QTMAN: variants seen among roughly 807,000 people sequenced by gnomAD.
QTMAN encodes the protein queuosine-tRNA mannosyltransferase.
At chr2:144,110,134 A>G in the QTMAN span, among the ~76,000 whole-genome samples, 1 of 152,234 alleles carries the variant, frequency 6.6e-6, no homozygotes, top group Non-Finnish European at 1.5e-5. Flanking sequence ...AAGACTTGGA[A>G]CCAACCCAGA....
At chr2:144,326,733 C>A in the QTMAN span, among the ~76,000 whole-genome samples, 1 of 152,120 alleles carries the variant, frequency 6.6e-6, no homozygotes, top group Admixed American at 6.5e-5. Context: ...AAATTTATAT[C>A]TAATCTATAT....
At chr2:144,068,692 G>A in the QTMAN span, among the ~76,000 whole-genome samples, 1 of 152,128 alleles carries the variant, frequency 6.6e-6, no homozygotes, top group Non-Finnish European at 1.5e-5. Context: ...GGGTTAGTAT[G>A]GGGTACAAAT....
the QTMAN span, chr2:143,947,266 T>A: frequency 1.5e-6 from 1 of 667,748 alleles, no homozygotes; most frequent in Non-Finnish European, 2.6e-6. Context: ...AGCCACCAAG[T>A]AAATGGTTCT....
the QTMAN span, among the ~76,000 whole-genome samples, chr2:144,278,985 T>C: frequency 6.6e-6 from 1 of 152,150 alleles, no homozygotes; most frequent in African/African-American, 2.4e-5. Flanking sequence ...GCTTTCATTT[T>C]ACAATAGAAG....
the QTMAN span, among the ~76,000 whole-genome samples, chr2:144,094,097 T>A: frequency 1.3e-5 from 2 of 152,214 alleles, no homozygotes; most frequent in African/African-American, 4.8e-5. Context: ...ATCGGGACTG[T>A]ACAATGGTAA....
chr2:144,051,703 G>A, the QTMAN span, among the ~76,000 whole-genome samples: 2 of 152,180 alleles, frequency 1.3e-5, no homozygotes, highest in Admixed American at 6.5e-5. Flanking sequence ...AATTGAGAGA[G>A]AAAATGCTTC....
the QTMAN span, among the ~76,000 whole-genome samples, chr2:144,287,813 T>C: frequency 1.3e-5 from 2 of 152,208 alleles, no homozygotes; most frequent in Admixed American, 6.5e-5. Flanking sequence ...TCATTTATTA[T>C]ACAGTTAATT....
At chr2:144,309,743 T>C in the QTMAN span, among the ~76,000 whole-genome samples, 2 of 152,220 alleles carry the variant, frequency 1.3e-5, no homozygotes, top group Non-Finnish European at 2.9e-5. Flanking sequence ...CACATTTTAC[T>C]ATATGCAAAT....
the QTMAN span, among the ~76,000 whole-genome samples, chr2:143,993,239 C>A: frequency 5.3e-5 from 8 of 152,088 alleles, no homozygotes; most frequent in Non-Finnish European, 1.5e-5. Flanking sequence ...TGATTCACTT[C>A]CTGATGGTAG....
the QTMAN span, among the ~76,000 whole-genome samples, chr2:144,136,444 GGAAAGGA>G: frequency 6.9e-6 from 1 of 145,652 alleles, no homozygotes; most frequent in South Asian, 2.2e-4. Flanking sequence ...GGAAAAGAAA[GGAAAGGA>G]GAAAGGAGGA....
At chr2:144,100,859 C>CTTTTTTTTTTTTTTTTTTT in the QTMAN span, among the ~76,000 whole-genome samples, 3 of 77,920 alleles carry the variant, frequency 3.9e-5, no homozygotes, top group African/African-American at 1.1e-4. Context: ...GTCTTTCTTT[C>CTTTTTTTTTTTTTTTTTTT]TTTTTTTTTT....
chr2:144,187,412 C>T, the QTMAN span, among the ~76,000 whole-genome samples: 7 of 152,100 alleles, frequency 4.6e-5, no homozygotes, highest in Non-Finnish European at 8.8e-5. Context: ...CTTGCGAGAG[C>T]CAGAACTCAC....
At chr2:144,114,069 T>C in the QTMAN span, among the ~76,000 whole-genome samples, 3 of 152,174 alleles carry the variant, frequency 2.0e-5, no homozygotes, top group African/African-American at 7.2e-5. Context: ...TGAGCTGTGA[T>C]ACAGAGAAAG....
the QTMAN span, among the ~76,000 whole-genome samples, chr2:144,287,238 C>T: frequency 6.6e-6 from 1 of 151,968 alleles, no homozygotes; most frequent in African/African-American, 2.4e-5. Flanking sequence ...AGATCAAGAC[C>T]ATCCTGGCTA....
the QTMAN span, among the ~76,000 whole-genome samples, chr2:144,000,875 T>C: frequency 6.6e-6 from 1 of 151,994 alleles, no homozygotes; most frequent in East Asian, 1.9e-4. Flanking sequence ...AGAACATTAG[T>C]GTCCAAAAAT....
the QTMAN span, among the ~76,000 whole-genome samples, chr2:144,195,388 T>C: frequency 1.3e-5 from 2 of 152,148 alleles, no homozygotes; most frequent in Non-Finnish European, 2.9e-5. Flanking sequence ...TTAATACTCA[T>C]TAATAGATGT....
chr2:144,082,498 A>G, the QTMAN span, among the ~76,000 whole-genome samples: 1 of 152,206 alleles, frequency 6.6e-6, no homozygotes, highest in Non-Finnish European at 1.5e-5. Context: ...TAAGATTTCT[A>G]ACCACACTGA....
At chr2:144,034,082 G>C in the QTMAN span, among the ~76,000 whole-genome samples, 1 of 152,136 alleles carries the variant, frequency 6.6e-6, no homozygotes. Context: ...CTCTGTTCGA[G>C]GAGAACCAAC....
the QTMAN span, among the ~76,000 whole-genome samples, chr2:144,268,112 G>T: frequency 3.3e-5 from 5 of 152,076 alleles, no homozygotes; most frequent in South Asian, 1.0e-3. Context: ...ATGGCTTGGG[G>T]GTGGCCATTC....
Sources: gnomAD v4.1 joint callset for allele counts (sites outside exome capture counted in the v4.1 genomes callset) on GRCh38, gnomAD v4.1.1 for gene constraint, MANE v1.5 for transcripts, NCBI Gene and HGNC (gene_info 2026-07-23, HGNC 2026-07-21) for gene names.